Variants in GRID2 observed in about 807,000 individuals in gnomAD.
GRID2 encodes glutamate receptor ionotropic, delta-2.
Under a neutral mutation model 114.8 loss-of-function variants are expected in GRID2, and 33 were observed. The observed-to-expected ratio is 0.29, with a 90% CI of 0.22 to 0.38. The LOEUF is 0.38. GRID2 is among the 10% of genes least tolerant of loss of function. The probability of loss-of-function intolerance (pLI) is 1.00; values close to 1 mark genes in which losing one functional copy is unlikely to be tolerated. For synonymous variants in GRID2, 505 were observed against 449.9 expected (o/e 1.12, Z -1.55); for missense variants, 1,184 against 1,257.7 (o/e 0.94, Z 0.89).
intron 1 of GRID2, among the ~76,000 whole-genome samples, chr4:92,345,262 A>G (rs1249230931): frequency 2.0e-5 from 3 of 152,212 alleles, no homozygotes; most frequent in African/African-American, 7.2e-5. Flanking sequence ...TTCCAGCTCC[A>G]TCCAAGTTGC....
chr4:92,736,971 C>T (rs1413163487), intron 2 of GRID2, among the ~76,000 whole-genome samples: 2 of 152,018 alleles, frequency 1.3e-5, no homozygotes, highest in Non-Finnish European at 2.9e-5. Flanking sequence ...GGGGAGAGAA[C>T]ATTCCAGACA....
chr4:93,612,827 T>C (rs2149666862), intron 13 of GRID2, among the ~76,000 whole-genome samples: 1 of 110,006 alleles, frequency 9.1e-6, no homozygotes, highest in Non-Finnish European at 1.9e-5. Context: ...TTTGTGGCGT[T>C]CTCTGTATTT....
chr4:93,159,133 T>C (rs1737447017), intron 4 of GRID2, among the ~76,000 whole-genome samples: 1 of 151,644 alleles, frequency 6.6e-6, no homozygotes, highest in East Asian at 1.9e-4. Context: ...CTAAATTTCC[T>C]AGCAGTTGCC....
chr4:92,622,371 C>T (rs1460291312), intron 2 of GRID2, among the ~76,000 whole-genome samples: 3 of 151,606 alleles, frequency 2.0e-5, no homozygotes, highest in African/African-American at 7.2e-5. Context: ...AATGAGTCTT[C>T]AGAAAGAAAA....
At chr4:93,508,943 C>G (rs1728906342) in intron 12 of GRID2, among the ~76,000 whole-genome samples, 1 of 152,168 alleles carries the variant, frequency 6.6e-6, no homozygotes, top group Admixed American at 6.5e-5. Context: ...ACCTGTGATA[C>G]AGCCAGGAAT....
chr4:92,920,120 T>C (rs1749184568), intron 2 of GRID2, among the ~76,000 whole-genome samples: 2 of 152,200 alleles, frequency 1.3e-5, no homozygotes, highest in Admixed American at 6.6e-5. Context: ...TTTGTCTCTT[T>C]TGATCTTTGT....
chr4:93,032,830 G>A (rs1476731082), intron 2 of GRID2, among the ~76,000 whole-genome samples: 15 of 152,104 alleles, frequency 9.9e-5, no homozygotes, highest in Admixed American at 9.8e-4. Flanking sequence ...AGCAATGAAA[G>A]TAGCCTAACA....
At chr4:93,391,609 A>G (rs1764859339) in intron 8 of GRID2, among the ~76,000 whole-genome samples, 1 of 152,146 alleles carries the variant, frequency 6.6e-6, no homozygotes, top group South Asian at 2.1e-4. Context: ...ATTAAAGCCT[A>G]CAAACTATTG....
intron 2 of GRID2, chr4:92,833,645 A>G (rs1246181727): frequency 6.6e-6 from 1 of 152,242 alleles, no homozygotes; most frequent in African/African-American, 2.4e-5. Context: ...AAGGACTGCC[A>G]TTATCTACCA....
chr4:93,178,685 G>A (rs2149432536), intron 4 of GRID2, among the ~76,000 whole-genome samples: 1 of 151,908 alleles, frequency 6.6e-6, no homozygotes, highest in African/African-American at 2.4e-5. Flanking sequence ...ACCACACACA[G>A]CCCTTGAAAA....
chr4:92,657,435 A>G (rs527297623), intron 2 of GRID2, among the ~76,000 whole-genome samples: 1 of 151,668 alleles, frequency 6.6e-6, no homozygotes, highest in East Asian at 1.9e-4. Flanking sequence ...ATATGCGTAT[A>G]CTCGTGCTAT....
At chr4:93,227,380 A>C (rs1470188924) in intron 7 of GRID2, among the ~76,000 whole-genome samples, 1 of 151,924 alleles carries the variant, frequency 6.6e-6, no homozygotes, top group African/African-American at 2.4e-5. Context: ...GCCACATGCC[A>C]CCACACCTGG....
chr4:93,711,405 T>C (rs1322376671), intron 14 of GRID2, among the ~76,000 whole-genome samples: 2 of 151,986 alleles, frequency 1.3e-5, no homozygotes, highest in African/African-American at 2.4e-5. Flanking sequence ...ACTTCAAGAC[T>C]CCGTTTATGC....
At chr4:92,455,318 T>C (rs1314858630) in intron 1 of GRID2, among the ~76,000 whole-genome samples, 1 of 152,178 alleles carries the variant, frequency 6.6e-6, no homozygotes, top group Non-Finnish European at 1.5e-5. Flanking sequence ...CGTGTTCTTG[T>C]GAAACTTATA....
At chr4:93,807,056 T>G (rs1735046948) in exon 2 of GRID2, 1 of 152,294 alleles carries the variant, frequency 6.6e-6, no homozygotes, top group Non-Finnish European at 1.5e-5. Context: ...AATCCACTCA[T>G]AGAAGAGTAA....
rs140821102 is a variant in GRID2 at position 93,614,266 on chromosome 4, C to G, written c.2194-12003C>G. 4.6e-5 allele frequency among the ~76,000 whole-genome samples: 7 copies of G among 152,148 alleles called. No homozygotes were observed. In the East Asian group the frequency reaches 1.4e-3, roughly 29 times the overall value. ...CTCAGATGGAAATGCAGAAATCACCCGTCTTCTGCGTCGCTCACGCTGGGA... is the reference window on the plus strand; with the variant it reads ...CTCAGATGGAAATGCAGAAATCACCGGTCTTCTGCGTCGCTCACGCTGGGA... On this transcript the variant is annotated intron_variant, in intron 13 of 15. Coordinates refer to ENST00000282020, the MANE Select transcript of GRID2 (RefSeq NM_001510.4).
intron 1 of GRID2, among the ~76,000 whole-genome samples, chr4:93,795,448 A>T (rs1398058639): frequency 6.6e-6 from 1 of 152,130 alleles, no homozygotes; most frequent in Admixed American, 6.5e-5. Flanking sequence ...CAAGAGAAAG[A>T]ATCAATAAAC....
intron 8 of GRID2, among the ~76,000 whole-genome samples, chr4:93,298,586 A>G (rs72874965): frequency 0.054 from 8,241 of 152,268 alleles, 751 homozygotes; most frequent in African/African-American, 0.19. Context: ...TTCATTACAT[A>G]ACACCCTCCA....
At chr4:93,451,024 G>A (rs1163422799) in intron 10 of GRID2, among the ~76,000 whole-genome samples, 2 of 151,800 alleles carry the variant, frequency 1.3e-5, no homozygotes, top group Non-Finnish European at 2.9e-5. Flanking sequence ...TGGGAATGCA[G>A]ACAAAAAGAT....
Sources: allele counts gnomAD v4.1 joint callset (sites outside exome capture counted in the v4.1 genomes callset), GRCh38; gene constraint gnomAD v4.1.1; transcripts MANE v1.5; gene names NCBI Gene and HGNC (gene_info 2026-07-23, HGNC 2026-07-21).